The following COLGALT2 variants were observed in gnomAD, a reference collection of about 807,000 sequenced individuals.
COLGALT2 encodes the protein procollagen galactosyltransferase 2.
In COLGALT2, 49 loss-of-function variants were observed where a neutral mutation model predicts 73.4. That is an observed-to-expected ratio of 0.67 (90% CI 0.53 to 0.85). The LOEUF (loss-of-function observed/expected upper bound fraction) is 0.85. Ranked by LOEUF, COLGALT2 falls within the 40% of genes least tolerant of loss-of-function variation. The probability of loss-of-function intolerance (pLI) is 0.00; values close to 1 mark genes in which losing one functional copy is unlikely to be tolerated. For missense variants in COLGALT2, 722 were observed against 790.2 expected (o/e 0.91, Z 1.03); for synonymous variants, 295 against 307.6 (o/e 0.96, Z 0.43).
At chr1:184,029,318 T>C (rs1318483954) in intron 1 of COLGALT2, among the ~76,000 whole-genome samples, 1 of 152,228 alleles carries the variant, frequency 6.6e-6, no homozygotes, top group African/African-American at 2.4e-5. Context: ...TCCTGATCCT[T>C]TTACCACTAG....
At chr1:183,948,475 T>C (rs1007028266) in intron 8 of COLGALT2, among the ~76,000 whole-genome samples, 7 of 152,152 alleles carry the variant, frequency 4.6e-5, no homozygotes, top group Admixed American at 1.3e-4. Context: ...AAAAGTCACA[T>C]GTTCATCTTA....
At chr1:183,971,615 A>G (rs1273248939) in intron 4 of COLGALT2, among the ~76,000 whole-genome samples, 2 of 152,212 alleles carry the variant, frequency 1.3e-5, no homozygotes, top group Admixed American at 1.3e-4. Flanking sequence ...ATATGAACAT[A>G]TTACCTTCCC....
At chr1:183,999,841 G>A (rs1671867546) in intron 1 of COLGALT2, among the ~76,000 whole-genome samples, 1 of 151,784 alleles carries the variant, frequency 6.6e-6, no homozygotes, top group South Asian at 2.1e-4. Context: ...GTCTTACCAG[G>A]ATTTTATTTT....
At chr1:183,984,500 T>A (rs1449570084) in intron 1 of COLGALT2, among the ~76,000 whole-genome samples, 2 of 152,180 alleles carry the variant, frequency 1.3e-5, no homozygotes, top group Non-Finnish European at 2.9e-5. Context: ...ACAATAACTT[T>A]CCTTTACCTC....
chr1:183,980,451 C>T (rs560283812), intron 1 of COLGALT2, among the ~76,000 whole-genome samples: 5 of 151,890 alleles, frequency 3.3e-5, no homozygotes, highest in South Asian at 4.2e-4. Flanking sequence ...TTGTACAACT[C>T]GATGATAAAT....
At chr1:183,998,936 T>C (rs896472256) in intron 1 of COLGALT2, among the ~76,000 whole-genome samples, 1 of 152,136 alleles carries the variant, frequency 6.6e-6, no homozygotes, top group Non-Finnish European at 1.5e-5. Flanking sequence ...CCAATTTGTA[T>C]AATTTATCTG....
At position 183,975,169 on chromosome 1, in the gene COLGALT2, C is replaced by G. The variant is rs146711724; in HGVS notation, c.420G>C (p.Arg140=). Reference sequence around the variant, plus strand: ...GTCGTAGTTTCATCACATGGGCAAACCGGGAGGTTGGCCAGTGCTTTGGTC... The same window carrying G: ...GTCGTAGTTTCATCACATGGGCAAAGCGGGAGGTTGGCCAGTGCTTTGGTC... ...EIGPKHWPTS[R]FAHVMKLRQA... Residue 140 remains arginine (R), a synonymous_variant, in exon 3 of 12, where the codon CGG becomes CGC. Transcript: ENST00000361927. 174 of 1,613,930 alleles carry G rather than the reference C, an allele frequency of 1.1e-4. No homozygotes were observed. Among genetic ancestry groups the G allele is most frequent in the Non-Finnish European group, 1.4e-4 (169 of 1,179,982 alleles).
chr1:183,939,429 C>T (rs557537452), intron 11 of COLGALT2, among the ~76,000 whole-genome samples: 17 of 152,300 alleles, frequency 1.1e-4, no homozygotes, highest in South Asian at 4.1e-4. Flanking sequence ...GCATGTGGCA[C>T]GTGGAGGCTT....
downstream of COLGALT2, among the ~76,000 whole-genome samples, chr1:183,934,510 G>C (rs1669908374): frequency 6.6e-6 from 1 of 152,174 alleles, no homozygotes; most frequent in Non-Finnish European, 1.5e-5. Context: ...CATTTCCAAA[G>C]CTGTCTACTC....
At chr1:183,975,290 T>A in intron 2 of COLGALT2, 76 bp from the exon 3 acceptor site, 1 of 780,960 alleles carries the variant, frequency 1.3e-6, no homozygotes, top group Non-Finnish European at 2.1e-6. Context: ...TTATATGTAT[T>A]CATTTAATCT....
At chr1:183,975,837 C>T (rs1240627151) in intron 2 of COLGALT2, among the ~76,000 whole-genome samples, 1 of 152,124 alleles carries the variant, frequency 6.6e-6, no homozygotes, top group Non-Finnish European at 1.5e-5. Flanking sequence ...GCTCCAAAAC[C>T]CTTCTGAAGG....
At chr1:183,967,807 C>T (rs1212761421) in intron 5 of COLGALT2, among the ~76,000 whole-genome samples, 1 of 152,202 alleles carries the variant, frequency 6.6e-6, no homozygotes, top group African/African-American at 2.4e-5. Context: ...CACAGACCAA[C>T]TGAAAGAAGG....
rs60147949 is a variant in COLGALT2, at chr1:183,937,237, G to A, written c.*1524C>T. On this transcript the variant is annotated 3_prime_UTR_variant, in exon 12 of 12. Transcript: ENST00000361927. ...ACGGCCCCCCATATGGCTGCATGGT[G>A]CATGGACAGTGATGAGGAACGGTGC... The A allele has an allele frequency of 0.57, 680,341 of 1,195,970 alleles. 194,131 individuals are homozygous for A. Among genetic ancestry groups the A allele is most frequent in the African/African-American group, 0.59 (37,290 of 63,708 alleles). 74.1% of individuals were successfully genotyped at this position (1,195,970 alleles called of 1,614,324 possible).
intron 11 of COLGALT2, among the ~76,000 whole-genome samples, chr1:183,930,755 C>T (rs1669828921): frequency 6.6e-6 from 1 of 151,920 alleles, no homozygotes; most frequent in Non-Finnish European, 1.5e-5. Context: ...CATACAGTCA[C>T]TCACCAACAA....
At chr1:183,933,769 T>C (rs1387049954), downstream of COLGALT2, among the ~76,000 whole-genome samples, 1 of 152,242 alleles carries the variant, frequency 6.6e-6, no homozygotes, top group Non-Finnish European at 1.5e-5. Flanking sequence ...TAGTGCTCTG[T>C]GGGCCCTAGG....
rs189186318 is a variant in COLGALT2 at position 184,014,154 on chromosome 1, A to G, written c.263+22941T>C. Among the ~76,000 whole-genome samples, 14 of 152,336 alleles carry G rather than the reference A, an allele frequency of 9.2e-5. No individual in the cohort carries two copies. In the East Asian group the frequency reaches 2.3e-3, roughly 25 times the overall value. The stretch of plus-strand genomic sequence containing the variant: ...GCATACATTTGGTAACTGAAGCTAC[A>G]GGAACGGACCAGACTACTTGAGGTG... On this transcript the variant is annotated intron_variant, in intron 1 of 11. Coordinates refer to ENST00000361927, the MANE Select transcript of COLGALT2 (RefSeq NM_015101.4).
Position 183,936,717 on chromosome 1 carries a change from C to T in COLGALT2, c.*2044G>A. The T allele has an allele frequency of 8.1e-7, 1 of 1,230,364 alleles. No individual in the cohort carries two copies. Among genetic ancestry groups the T allele is most frequent in the Non-Finnish European group, 1.0e-6 (1 of 987,658 alleles). The allele number at this position is 1,230,364 out of a possible 1,614,324, so 76.2% of individuals were successfully genotyped here. ...GAATCACCTAAGGAATTTTCACTCG[C>T]TCCCCAGATGCTCTTTCTGTTTTTC... is the stretch of plus-strand genomic sequence containing the variant. On this transcript the variant is annotated 3_prime_UTR_variant, in exon 12 of 12. Coordinates refer to ENST00000361927, the MANE Select transcript of COLGALT2 (RefSeq NM_015101.4).
At chr1:184,026,155 A>G (rs1368986166) in intron 1 of COLGALT2, among the ~76,000 whole-genome samples, 1 of 152,178 alleles carries the variant, frequency 6.6e-6, no homozygotes, top group African/African-American at 2.4e-5. Flanking sequence ...CAACACAGAT[A>G]GCGTATTTGC....
chr1:184,013,827 C>T (rs1648896567), intron 1 of COLGALT2, among the ~76,000 whole-genome samples: 1 of 151,468 alleles, frequency 6.6e-6, no homozygotes, highest in African/African-American at 2.4e-5. Context: ...AGTGGCAGAA[C>T]AGATAGGAAA....
Sources: gnomAD v4.1 joint callset for allele counts (sites outside exome capture counted in the v4.1 genomes callset) on GRCh38, gnomAD v4.1.1 for gene constraint, MANE v1.5 for transcripts, NCBI Gene and HGNC (gene_info 2026-07-23, HGNC 2026-07-21) for gene names.